H2BC12: variants seen among roughly 807,000 people sequenced by gnomAD.
The protein encoded by H2BC12 is histone H2B type 1-K.
In H2BC12, 6 loss-of-function variants were observed where a neutral mutation model predicts 6.3. The observed-to-expected ratio is 0.95, with a 90% CI of 0.52 to 1.87. The LOEUF is 1.87. Among genes scored for constraint, H2BC12 ranks in the 40% most tolerant of loss-of-function variants. The pLI, the probability that H2BC12 is intolerant of heterozygous loss-of-function variation, is 0.01. For synonymous variants in H2BC12, 132 were observed against 78.5 expected (o/e 1.68, Z -3.60); for missense variants, 119 against 178.4 (o/e 0.67, Z 1.90).
At chr6:27,142,884 C>A (rs1374064826), downstream of H2BC12, among the ~76,000 whole-genome samples, 2 of 151,886 alleles carry the variant, frequency 1.3e-5, no homozygotes, top group Admixed American at 1.3e-4. Context: ...ATCCACCCAC[C>A]TCGGCCTCCC....
At chr6:27,142,635 CCTT>C (rs1342139981), downstream of H2BC12, among the ~76,000 whole-genome samples, 1 of 100,080 alleles carries the variant, frequency 1.0e-5, no homozygotes, top group Non-Finnish European at 1.9e-5. Flanking sequence ...TTCCCCCCCT[CCTT>C]TTTTTTTTTT....
At chr6:27,139,581 C>G in the H2BC12 span, 18 of 1,613,690 alleles carry the variant, frequency 1.1e-5, no homozygotes, top group Non-Finnish European at 1.5e-5. Context: ...TCTACGCGCT[C>G]AAGCGCCAGG....
rs766829673 is a variant in H2BC12 at position 27,146,404 on chromosome 6, C to G, written c.*14G>C. The G allele has an allele frequency of 3.7e-6, 6 of 1,614,200 alleles. No individual in the cohort carries two copies. The highest frequency in any genetic ancestry group is 5.1e-6 in the Non-Finnish European group (6 of 1,180,030). ...GCCTTTGGGGTTGGGCTTTAAGACG[C>G]TTACTTGGCAAGTTTACTTAGCGCT... is the stretch of plus-strand genomic sequence containing the variant. On this transcript the variant is annotated 3_prime_UTR_variant, in exon 1 of 1. Coordinates refer to ENST00000356950, the MANE Select transcript of H2BC12 (RefSeq NM_001312653.2).
At chr6:27,144,778 G>T (rs929379293), downstream of H2BC12, among the ~76,000 whole-genome samples, 1 of 152,098 alleles carries the variant, frequency 6.6e-6, no homozygotes, top group Non-Finnish European at 1.5e-5. Flanking sequence ...AGAATTCATT[G>T]GCATAGTGTA....
the H2BC12 span, among the ~76,000 whole-genome samples, chr6:27,140,239 G>A: frequency 3.9e-5 from 6 of 152,146 alleles, no homozygotes; most frequent in African/African-American, 4.8e-5. Flanking sequence ...TTATTCAAGT[G>A]CATCTAAAAT....
the H2BC12 span, chr6:27,139,497 G>A: frequency 5.6e-6 from 9 of 1,612,622 alleles, no homozygotes; most frequent in Non-Finnish European, 7.6e-6. Flanking sequence ...AGGTGTTCCT[G>A]GAGAACGTGA....
At chr6:27,139,705 A>C in the H2BC12 span, 1 of 1,500,150 alleles carries the variant, frequency 6.7e-7, no homozygotes, top group Non-Finnish European at 8.9e-7. Flanking sequence ...AATGACTGCA[A>C]ACTGAGTCTC....
downstream of H2BC12, among the ~76,000 whole-genome samples, chr6:27,145,490 C>G (rs939745845): frequency 2.7e-4 from 41 of 152,180 alleles, no homozygotes; most frequent in Non-Finnish European, 5.3e-4. Context: ...AGCCTCTAAT[C>G]ACACAATAAA....
At chr6:27,143,266 T>G (rs1760029160), downstream of H2BC12, among the ~76,000 whole-genome samples, 1 of 152,016 alleles carries the variant, frequency 6.6e-6, no homozygotes, top group African/African-American at 2.4e-5. Context: ...GCAGGATAAT[T>G]GCTTGAACAA....
chr6:27,141,994 A>G (rs1285118555), downstream of H2BC12, among the ~76,000 whole-genome samples: 1 of 152,174 alleles, frequency 6.6e-6, no homozygotes, highest in Non-Finnish European at 1.5e-5. Context: ...TAATTAGTTT[A>G]CTTTTAAAAA....
downstream of H2BC12, among the ~76,000 whole-genome samples, chr6:27,145,400 G>C (rs188343651): frequency 1.1e-4 from 17 of 151,330 alleles, no homozygotes; most frequent in Admixed American, 7.3e-4. Flanking sequence ...TAACAACCTA[G>C]CTTAAAATTC....
downstream of H2BC12, among the ~76,000 whole-genome samples, chr6:27,146,048 G>T (rs1309328501): frequency 6.6e-6 from 1 of 152,100 alleles, no homozygotes; most frequent in Non-Finnish European, 1.5e-5. Flanking sequence ...GAAAGTACAC[G>T]TGACACAATA....
At chr6:27,140,458 T>G in the H2BC12 span, among the ~76,000 whole-genome samples, 1 of 152,252 alleles carries the variant, frequency 6.6e-6, no homozygotes, top group East Asian at 1.9e-4. Flanking sequence ...TTCTAGGTTA[T>G]TTTTACCATT....
chr6:27,141,784 A>G (rs1399125469), downstream of H2BC12, among the ~76,000 whole-genome samples: 1 of 152,176 alleles, frequency 6.6e-6, no homozygotes, highest in East Asian at 1.9e-4. Context: ...TTCCAAGCCC[A>G]ATGGATTAAA....
rs373638341 is a variant in H2BC12, at chr6:27,146,724, C to T, written c.75G>A (p.Lys25=). 2.2e-5 allele frequency: 35 copies of T among 1,614,218 alleles called. No individual in the cohort carries two copies. The Middle Eastern group carries it at 5.0e-4, about 23-fold the overall frequency. Residue 25 remains lysine, a synonymous_variant, in exon 1 of 1, where the codon AAG becomes AAA. Transcript: ENST00000356950. The part of the protein sequence containing the change: ...SKKAVTKAQK[K]DGKKRKRSRK... ...GGCTGCGCTTGCGCTTCTTGCCGTC[C>T]TTCTTCTGCGCCTTAGTCACGGCTT...
chr6:27,141,266 G>C, the H2BC12 span, among the ~76,000 whole-genome samples: 5 of 151,760 alleles, frequency 3.3e-5, no homozygotes, highest in Admixed American at 6.6e-5. Context: ...GGTGAAAGAG[G>C]AAAGTAATGC....
At chr6:27,139,854 C>T in the H2BC12 span, 1 of 625,870 alleles carries the variant, frequency 1.6e-6, no homozygotes, top group South Asian at 3.1e-5. Context: ...CCAGTAACTT[C>T]TGGCGGCTGC....
downstream of H2BC12, among the ~76,000 whole-genome samples, chr6:27,145,090 CAATA>C (rs1159279770): frequency 1.3e-5 from 2 of 152,096 alleles, no homozygotes; most frequent in African/African-American, 4.8e-5. Flanking sequence ...TATAGGTAAA[CAATA>C]AATATAATTA....
chr6:27,139,527 C>CA, the H2BC12 span: 2 of 1,614,200 alleles, frequency 1.2e-6, no homozygotes, highest in Non-Finnish European at 1.7e-6. Flanking sequence ...CCGTGACCTA[C>CA]ACGGAGCACG....
Sources: allele counts gnomAD v4.1 joint callset (sites outside exome capture counted in the v4.1 genomes callset), GRCh38; gene constraint gnomAD v4.1.1; transcripts MANE v1.5; gene names NCBI Gene and HGNC (gene_info 2026-07-23, HGNC 2026-07-21).